GALNTL6: variants seen among roughly 807,000 people sequenced by gnomAD.
The protein encoded by GALNTL6 is polypeptide N-acetylgalactosaminyltransferase-like 6.
A neutral mutation model predicts 73.7 loss-of-function variants in GALNTL6; 46 were observed. That is an observed-to-expected ratio of 0.62 (90% CI 0.49 to 0.80). The LOEUF (loss-of-function observed/expected upper bound fraction) is 0.80. Ranked by LOEUF, GALNTL6 falls within the 30% of genes least tolerant of loss-of-function variation. The pLI is 0.00. For missense variants in GALNTL6, 604 were observed against 755.0 expected (o/e 0.80, Z 2.34); for synonymous variants, 259 against 263.7 (o/e 0.98, Z 0.17).
intron 5 of GALNTL6, among the ~76,000 whole-genome samples, chr4:172,420,797 A>C (rs1731027249): frequency 6.6e-6 from 1 of 152,152 alleles, no homozygotes; most frequent in East Asian, 1.9e-4. Context: ...AGATAAAGAA[A>C]ATGTGGCACA....
intron 5 of GALNTL6, among the ~76,000 whole-genome samples, chr4:172,775,271 G>A (rs761944350): frequency 2.0e-4 from 31 of 152,112 alleles, no homozygotes; most frequent in Non-Finnish European, 4.1e-4. Context: ...GACTGACCTT[G>A]ATGTTGTTTT....
At chr4:172,065,147 A>C (rs1007521791) in intron 2 of GALNTL6, among the ~76,000 whole-genome samples, 6 of 135,624 alleles carry the variant, frequency 4.4e-5, no homozygotes, top group African/African-American at 1.7e-4. Context: ...TTCTAGGAAG[A>C]TAATTTTGAT....
intron 5 of GALNTL6, among the ~76,000 whole-genome samples, chr4:172,484,633 G>T (rs924611997): frequency 4.6e-5 from 7 of 152,178 alleles, no homozygotes; most frequent in Admixed American, 4.6e-4. Flanking sequence ...TTTTTGAAAT[G>T]TCAATAGCAG....
At chr4:172,700,736 C>T (rs1322537782) in intron 5 of GALNTL6, among the ~76,000 whole-genome samples, 3 of 152,130 alleles carry the variant, frequency 2.0e-5, no homozygotes, top group African/African-American at 7.2e-5. Flanking sequence ...AATCGCTCAC[C>T]CCTGTTAAAG....
chr4:172,099,761 T>C (rs1732459543), intron 2 of GALNTL6, among the ~76,000 whole-genome samples: 1 of 152,202 alleles, frequency 6.6e-6, no homozygotes, highest in African/African-American at 2.4e-5. Flanking sequence ...CTCTAATTTA[T>C]GTATGATTAT....
intron 5 of GALNTL6, among the ~76,000 whole-genome samples, chr4:172,749,107 GAGAAGA>G (rs907904261): frequency 7.3e-5 from 11 of 151,276 alleles, no homozygotes; most frequent in African/African-American, 2.7e-4. Context: ...TTTTTTGATA[GAGAAGA>G]AGTTTCACCA....
In GALNTL6 at chr4:172,937,754, T is replaced by G. The variant is rs1439921997; in HGVS notation, c.1149+6486T>G. On this transcript the variant is annotated intron_variant, in intron 9 of 12. Coordinates refer to ENST00000506823, the MANE Select transcript of GALNTL6 (RefSeq NM_001034845.3). Reference sequence around the variant, plus strand: ...ATCCACGTATTCCAATGCCAGAATATCATGAGGATGAGAAAAGGGTTAAAT... The same window carrying G: ...ATCCACGTATTCCAATGCCAGAATAGCATGAGGATGAGAAAAGGGTTAAAT... 1.3e-5 allele frequency among the ~76,000 whole-genome samples: 2 copies of G among 152,170 alleles called. 1 individual carries two copies. The highest frequency in any genetic ancestry group is 2.9e-5 in the Non-Finnish European group (2 of 68,038).
At chr4:172,439,246 C>CA (rs1490467837) in intron 5 of GALNTL6, among the ~76,000 whole-genome samples, 1 of 151,456 alleles carries the variant, frequency 6.6e-6, no homozygotes, top group African/African-American at 2.4e-5. Flanking sequence ...CAACTTACCC[C>CA]AATCAGGCTT....
chr4:172,296,928 G>T (rs1258644638), intron 3 of GALNTL6, among the ~76,000 whole-genome samples: 6 of 152,238 alleles, frequency 3.9e-5, no homozygotes, highest in African/African-American at 1.4e-4. Flanking sequence ...GATCCCTGAG[G>T]AATCACCACA....
At chr4:172,106,026 C>T (rs1426088515) in intron 2 of GALNTL6, among the ~76,000 whole-genome samples, 1 of 152,098 alleles carries the variant, frequency 6.6e-6, no homozygotes, top group Non-Finnish European at 1.5e-5. Context: ...ATTAATATAT[C>T]TTTCAAACTA....
chr4:172,310,005 A>C (rs987828974), intron 3 of GALNTL6, among the ~76,000 whole-genome samples: 14 of 152,246 alleles, frequency 9.2e-5, no homozygotes, highest in Non-Finnish European at 1.8e-4. Context: ...ATGAACCTGA[A>C]AATCTAATGT....
intron 7 of GALNTL6, among the ~76,000 whole-genome samples, chr4:172,878,566 C>T (rs1327243810): frequency 2.0e-5 from 3 of 150,914 alleles, no homozygotes; most frequent in Non-Finnish European, 4.4e-5. Flanking sequence ...ACATAAATTG[C>T]AATAAAAGAA....
At chr4:171,929,230 C>A (rs1738092467) in intron 2 of GALNTL6, among the ~76,000 whole-genome samples, 1 of 152,104 alleles carries the variant, frequency 6.6e-6, no homozygotes, top group African/African-American at 2.4e-5. Flanking sequence ...CCATGCCCAG[C>A]TAATTTTTTA....
intron 2 of GALNTL6, among the ~76,000 whole-genome samples, chr4:172,034,152 T>C (rs1264686185): frequency 2.0e-5 from 3 of 152,092 alleles, no homozygotes; most frequent in African/African-American, 7.2e-5. Context: ...TTATTCTATA[T>C]GTAATGTAAT....
At chr4:171,878,034 G>A (rs976141333) in intron 2 of GALNTL6, among the ~76,000 whole-genome samples, 1 of 152,076 alleles carries the variant, frequency 6.6e-6, no homozygotes, top group African/African-American at 2.4e-5. Context: ...CTTCATATGT[G>A]AAACAATGAG....
intron 2 of GALNTL6, among the ~76,000 whole-genome samples, chr4:171,904,030 C>A (rs1737193347): frequency 6.6e-6 from 1 of 151,990 alleles, no homozygotes; most frequent in Non-Finnish European, 1.5e-5. Flanking sequence ...TAGATAAAAC[C>A]ACAAAGATGG....
At chr4:172,092,839 T>C (rs1165588167) in intron 2 of GALNTL6, among the ~76,000 whole-genome samples, 1 of 151,584 alleles carries the variant, frequency 6.6e-6, no homozygotes, top group Non-Finnish European at 1.5e-5. Context: ...TTTATATCAG[T>C]TTACTATTAA....
At chr4:172,524,008 A>G (rs1280703041) in intron 5 of GALNTL6, among the ~76,000 whole-genome samples, 1 of 152,106 alleles carries the variant, frequency 6.6e-6, no homozygotes, top group Admixed American at 6.6e-5. Flanking sequence ...CCTCAAAACA[A>G]CCACCAGTAT....
chr4:172,475,658 C>T lies in GALNTL6; in HGVS notation c.553+126969C>T, dbSNP rs115017753. 4.6e-3 allele frequency among the ~76,000 whole-genome samples: 707 copies of T among 152,222 alleles called. 6 individuals are homozygous for T. The highest frequency in any genetic ancestry group is 0.016 in the African/African-American group (663 of 41,536). ...TCATATAATCCTAGATTTAAAAATT[C>T]ATATCCTATAAGGGATCTGAATTAA... On this transcript the variant is annotated intron_variant, in intron 5 of 12. Coordinates refer to ENST00000506823, the MANE Select transcript of GALNTL6 (RefSeq NM_001034845.3).
Sources: gnomAD v4.1 joint callset for allele counts (sites outside exome capture counted in the v4.1 genomes callset) on GRCh38, gnomAD v4.1.1 for gene constraint, MANE v1.5 for transcripts, NCBI Gene and HGNC (gene_info 2026-07-23, HGNC 2026-07-21) for gene names.